The following MEGF11 variants were observed in gnomAD, a reference collection of about 807,000 sequenced individuals.
MEGF11 encodes the protein multiple EGF like domains 11.
MEGF11 carries 126 observed loss-of-function variants against 146.6 expected under a neutral mutation model. That is an observed-to-expected ratio of 0.86 (90% CI 0.74 to 1.00). The LOEUF is 1.00. MEGF11 is among the 50% of genes least tolerant of loss of function. MEGF11 has a pLI of 0.00. For synonymous variants in MEGF11, 532 were observed against 583.4 expected, an observed-to-expected ratio of 0.91 and a Z score of 1.27; for missense variants, 1,509 against 1,521.2, an observed-to-expected ratio of 0.99 and a Z score of 0.13.
In MEGF11 at chr15:65,895,520, A is replaced by G. The variant is rs567551414; in HGVS notation, c.*2414T>C. 1 of 152,788 alleles carries G rather than the reference A, an allele frequency of 6.5e-6. No individual in the cohort carries two copies. Among genetic ancestry groups the G allele is most frequent in the African/African-American group, 2.4e-5 (1 of 41,588 alleles). The allele number at this position is 152,788 out of a possible 1,614,324, so 9.5% of individuals were successfully genotyped here. A position where few individuals can be genotyped will look rare whatever the true frequency, so the allele number is the denominator to read the frequency against. On this transcript the variant is annotated 3_prime_UTR_variant, in exon 26 of 26. Transcript: ENST00000395614. ...TTGAACAGATCTTTCAAAGTCACCC[A>G]TAAAATGCACAGTATACATGTTTAG...
chr15:66,105,622 T>C (rs2087032345), intron 4 of MEGF11, among the ~76,000 whole-genome samples: 1 of 152,236 alleles, frequency 6.6e-6, no homozygotes, highest in African/African-American at 2.4e-5. Context: ...AATGGTTTTA[T>C]GTAATAGAGA....
chr15:65,983,528 T>A (rs938931913), intron 5 of MEGF11, among the ~76,000 whole-genome samples: 7 of 151,896 alleles, frequency 4.6e-5, no homozygotes, highest in Admixed American at 1.3e-4. Flanking sequence ...CTGGGAGAAG[T>A]TGGATGGAAA....
At chr15:66,231,195 CA>C (rs141696524) in intron 1 of MEGF11, among the ~76,000 whole-genome samples, 2,756 of 152,118 alleles carry the variant, frequency 0.018, 82 homozygotes, top group African/African-American at 0.064. Flanking sequence ...AACAGACCTG[CA>C]GGTAAAGAGG....
intron 5 of MEGF11, among the ~76,000 whole-genome samples, chr15:66,005,193 A>C (rs1037270717): frequency 1.3e-5 from 2 of 152,224 alleles, no homozygotes; most frequent in Non-Finnish European, 2.9e-5. Context: ...TGTTCTCCTG[A>C]AACTTCTTCT....
chr15:65,945,883 G>A (rs1445842095), intron 10 of MEGF11, among the ~76,000 whole-genome samples: 1 of 152,210 alleles, frequency 6.6e-6, no homozygotes, highest in Non-Finnish European at 1.5e-5. Flanking sequence ...GCAGGCGGGC[G>A]TGTCAAGCTC....
chr15:66,177,029 C>T (rs891907431), intron 1 of MEGF11, among the ~76,000 whole-genome samples: 35 of 152,238 alleles, frequency 2.3e-4, no homozygotes, highest in African/African-American at 8.2e-4. Context: ...AAGGATACTA[C>T]ACCTTGGGTG....
chr15:66,139,970 C>G (rs2089069805), intron 1 of MEGF11, among the ~76,000 whole-genome samples: 1 of 152,152 alleles, frequency 6.6e-6, no homozygotes, highest in Non-Finnish European at 1.5e-5. Flanking sequence ...TTAACTGGAG[C>G]CTTCAGTTAA....
At chr15:65,951,032 A>C in intron 10 of MEGF11, among the ~76,000 whole-genome samples, 1 of 152,208 alleles carries the variant, frequency 6.6e-6, no homozygotes, top group African/African-American at 2.4e-5. Context: ...GCTGAGCAAG[A>C]TATTTGTGTG....
At chr15:66,050,902 A>T (rs181634818) in intron 5 of MEGF11, among the ~76,000 whole-genome samples, 328 of 152,346 alleles carry the variant, frequency 2.2e-3, no homozygotes, top group African/African-American at 7.5e-3. Flanking sequence ...CTGGGGGTTT[A>T]AAGCCTATCT....
At chr15:66,096,607 G>A (rs2086565501) in intron 4 of MEGF11, among the ~76,000 whole-genome samples, 1 of 152,214 alleles carries the variant, frequency 6.6e-6, no homozygotes, top group East Asian at 1.9e-4. Flanking sequence ...GAACAGCAGA[G>A]GGGTGCTGTG....
chr15:66,104,797 T>C lies in MEGF11; in HGVS notation c.302-10303A>G, dbSNP rs144579327. 8.0e-4 allele frequency among the ~76,000 whole-genome samples: 122 copies of C among 152,160 alleles called. 1 individual carries two copies. Among genetic ancestry groups the C allele is most frequent in the African/African-American group, 2.9e-3 (120 of 41,524 alleles). ...TCTGAAAGCCAGGTCAGGGCGCACA[T>C]CTAACAGCATCATGGGGGTTTCAAG... is the stretch of plus-strand genomic sequence containing the variant. On this transcript the variant is annotated intron_variant, in intron 4 of 25. Transcript: ENST00000395614.
At chr15:66,059,531 C>A (rs2084812993) in intron 5 of MEGF11, among the ~76,000 whole-genome samples, 1 of 152,170 alleles carries the variant, frequency 6.6e-6, no homozygotes, top group African/African-American at 2.4e-5. Context: ...CTGCAGCCCT[C>A]ATTACCCATG....
chr15:65,991,277 T>C (rs973824305), intron 5 of MEGF11, among the ~76,000 whole-genome samples: 1 of 152,170 alleles, frequency 6.6e-6, no homozygotes, highest in Admixed American at 6.5e-5. Flanking sequence ...ACCAGCTGCA[T>C]TCTCCCATGG....
intron 5 of MEGF11, among the ~76,000 whole-genome samples, chr15:65,997,236 A>G (rs1350585831): frequency 6.6e-6 from 1 of 152,146 alleles, no homozygotes; most frequent in Non-Finnish European, 1.5e-5. Flanking sequence ...GAGAGTTATT[A>G]TCAAAGGATG....
chr15:66,137,542 T>G (rs2088947161), intron 1 of MEGF11, among the ~76,000 whole-genome samples: 1 of 147,518 alleles, frequency 6.8e-6, no homozygotes, highest in South Asian at 2.2e-4. Context: ...ATGATGATAT[T>G]TTGGGTGACT....
chr15:65,944,863 G>A (rs1029098498), intron 10 of MEGF11, among the ~76,000 whole-genome samples: 2 of 151,104 alleles, frequency 1.3e-5, no homozygotes, highest in African/African-American at 2.4e-5. Flanking sequence ...TGGTCCATCC[G>A]CATCCCCAAC....
chr15:66,194,311 T>A (rs2090954608), intron 1 of MEGF11, among the ~76,000 whole-genome samples: 1 of 152,128 alleles, frequency 6.6e-6, no homozygotes. Context: ...CACAAAGGCA[T>A]AAGAATGATA....
At chr15:66,191,477 G>A (rs1184238009) in intron 1 of MEGF11, among the ~76,000 whole-genome samples, 1 of 152,120 alleles carries the variant, frequency 6.6e-6, no homozygotes, top group Non-Finnish European at 1.5e-5. Flanking sequence ...TGGGGGACCT[G>A]GACCCTGAGG....
rs2086454180 is a variant in MEGF11, at chr15:66,094,476, C to T, written c.320G>A (p.Cys107Tyr). 1 of 1,560,872 alleles carries T rather than the reference C, an allele frequency of 6.4e-7. No homozygotes were observed. Among genetic ancestry groups the T allele is most frequent in the East Asian group, 2.4e-5 (1 of 41,696 alleles). ...CGGGGAAACGCAGCGGCCGTGCACA[C>T]ACTCCTCCGTACACAGGGCTGAGGG... ...DFCIPLCTEE[C>Y]VHGRCVSPDT... Residue 107 changes from cysteine (C) to tyrosine (Y), a missense_variant, in exon 5 of 26, where the codon TGT becomes TAT. Transcript: ENST00000395614.
Sources: gnomAD v4.1 joint callset for allele counts (sites outside exome capture counted in the v4.1 genomes callset) on GRCh38, gnomAD v4.1.1 for gene constraint, MANE v1.5 for transcripts, NCBI Gene and HGNC (gene_info 2026-07-23, HGNC 2026-07-21) for gene names.